Variants in LCK observed in about 807,000 individuals in gnomAD.
The protein encoded by LCK is LCK proto-oncogene, Src family tyrosine kinase.
In LCK, 14 loss-of-function variants were observed where a neutral mutation model predicts 64.6. The observed-to-expected ratio is 0.22, with a 90% confidence interval of 0.14 to 0.34. The LOEUF is 0.34. Among genes scored for constraint, LCK ranks in the 10% least tolerant of loss-of-function variants. LCK has a pLI of 1.00. For missense variants in LCK, 434 were observed against 668.1 expected, an observed-to-expected ratio of 0.65 and a Z score of 3.86; for synonymous variants, 277 against 263.6, an observed-to-expected ratio of 1.05 and a Z score of -0.49.
rs755732553 is a variant in LCK at position 32,276,935 on chromosome 1, G to A, written c.964+149G>A. On this transcript the variant is annotated intron_variant, in intron 9 of 12. Transcript: ENST00000336890. This position sits in a 1 kb window ranked among gnomAD's most constrained non-coding sequence, Gnocchi z 4.6. ...GCCCCCTGGAGACTCACCTCCAGCC[G>A]GGCGCGGTGGCTCAGGCCTGTAATC... 7.1e-5 allele frequency: 57 copies of A among 802,660 alleles called. No homozygotes were observed. The highest frequency in any genetic ancestry group is 9.4e-5 in the Non-Finnish European group (51 of 545,312). The allele number at this position is 802,660 out of a possible 1,614,324, so 49.7% of individuals were successfully genotyped here. A position where few individuals can be genotyped will look rare whatever the true frequency, so the allele number is the denominator to read the frequency against.
intron 9 of LCK, chr1:32,277,014 A>G (rs1640300240): frequency 2.8e-6 from 1 of 351,414 alleles, no homozygotes; most frequent in African/African-American, 2.1e-5. Flanking sequence ...GTTCGAGACC[A>G]GCCTGACCAA....
intron 1 of LCK, among the ~76,000 whole-genome samples, chr1:32,259,260 C>T (rs1451940808): frequency 7.1e-6 from 1 of 141,382 alleles, no homozygotes; most frequent in African/African-American, 2.7e-5. Context: ...CAAAAATTAC[C>T]CGGGCCCTCT....
At chr1:32,281,425 A>G (rs942416705) in intron 12 of LCK, among the ~76,000 whole-genome samples, 6 of 150,266 alleles carry the variant, frequency 4.0e-5, no homozygotes, top group African/African-American at 1.2e-4. Flanking sequence ...GTTCTATTGC[A>G]CTCCAGCCTG....
chr1:32,280,443 C>CTTTTTTTTTTTTTTTTTTTTTTTTT (rs770430504), intron 12 of LCK, among the ~76,000 whole-genome samples: 1 of 84,744 alleles, frequency 1.2e-5, no homozygotes, highest in African/African-American at 5.5e-5. Context: ...TTTTCTTTTT[C>CTTTTTTTTTTTTTTTTTTTTTTTTT]TTTTTTTTTT....
intron 1 of LCK, among the ~76,000 whole-genome samples, chr1:32,255,800 A>ATTTT (rs58539932): frequency 1.5e-5 from 2 of 133,400 alleles, no homozygotes; most frequent in Non-Finnish European, 3.3e-5. Context: ...CATTAAATTT[A>ATTTT]TTTTTTTTTT....
Position 32,276,430 on chromosome 1 carries a change from G to A in LCK, c.725G>A (p.Arg242Lys). The A allele has an allele frequency of 6.2e-7, 1 of 1,612,870 alleles. No individual in the cohort carries two copies. The highest frequency in any genetic ancestry group is 8.5e-7 in the Non-Finnish European group (1 of 1,179,910). ...PWWEDEWEVP[R>K]ETLKLVERLG... Reference sequence around the variant, plus strand: ...TGGGAGGACGAGTGGGAGGTTCCCAGGGAGACGCTGAAGCTGGTGGAGCGG... The same window carrying A: ...TGGGAGGACGAGTGGGAGGTTCCCAAGGAGACGCTGAAGCTGGTGGAGCGG... The change falls in exon 8 of 13, where the codon AGG (arginine) becomes AAG (lysine). Residue 242 changes from arginine to lysine, a missense_variant. By Grantham distance (26) the Arg-to-Lys change is conservative (BLOSUM62 2). This residue lies in a region of LCK where 201 missense variants were observed against 376.9 expected (regional missense o/e 0.53). Transcript: ENST00000336890. This position sits in a 1 kb window ranked among gnomAD's most constrained non-coding sequence, Gnocchi z 4.6.
chr1:32,268,130 G>A (rs1449821050), intron 1 of LCK, among the ~76,000 whole-genome samples: 2 of 150,136 alleles, frequency 1.3e-5, no homozygotes, highest in East Asian at 4.0e-4. Flanking sequence ...GGAGGCGGAG[G>A]TTGCAGTGAG....
At chr1:32,271,585 G>A (rs1159747188) in intron 1 of LCK, among the ~76,000 whole-genome samples, 1 of 152,226 alleles carries the variant, frequency 6.6e-6, no homozygotes, top group Admixed American at 6.5e-5. Context: ...GATCACTTGA[G>A]CCCAGGAGTT....
intron 1 of LCK, among the ~76,000 whole-genome samples, chr1:32,271,322 T>C (rs1640074605): frequency 6.6e-6 from 1 of 152,164 alleles, no homozygotes; most frequent in Admixed American, 6.6e-5. Context: ...AGCTTTGCTC[T>C]ACTCCAAATA....
rs552978173 is a variant in LCK at position 32,257,610 on chromosome 1, A to G, written c.-6+6239A>G. ...TGGATTGAATTTGGGTTGCCATGGC[A>G]TGGACATGGTGAACTGAGCTTCCAG... On this transcript the variant is annotated intron_variant, in intron 1 of 12. Coordinates refer to ENST00000336890, the MANE Select transcript of LCK (RefSeq NM_005356.5). 5.9e-5 allele frequency among the ~76,000 whole-genome samples: 9 copies of G among 152,202 alleles called. 1 individual carries two copies. In the South Asian group the frequency reaches 1.7e-3, roughly 28 times the overall value.
intron 12 of LCK, among the ~76,000 whole-genome samples, chr1:32,284,251 GAT>G (rs149802834): frequency 9.9e-4 from 137 of 138,280 alleles, no homozygotes; most frequent in Non-Finnish European, 1.2e-3. Context: ...TGCTTTCTGT[GAT>G]ATATATATAT....
In LCK at chr1:32,275,691, C is replaced by T. The variant is rs1014124218; in HGVS notation, c.481+19C>T. ...ACCGCGGGTGAGCGGGCGGCGGTCT[C>T]GACCGGGCGCGGGGGTGCCCCGGGG... On this transcript the variant is annotated intron_variant, in intron 6 of 12. Coordinates refer to ENST00000336890, the MANE Select transcript of LCK (RefSeq NM_005356.5). The surrounding 1 kb of genome is among the most constrained non-coding windows in gnomAD (Gnocchi z 6.9). 6 of 1,546,702 alleles carry T rather than the reference C, an allele frequency of 3.9e-6. No homozygotes were observed. Among genetic ancestry groups the T allele is most frequent in the African/African-American group, 2.7e-5 (2 of 73,296 alleles).
At chr1:32,258,210 G>A (rs774695269) in intron 1 of LCK, among the ~76,000 whole-genome samples, 7 of 150,606 alleles carry the variant, frequency 4.6e-5, no homozygotes, top group Non-Finnish European at 1.0e-4. Flanking sequence ...TTGAGCCCAG[G>A]TGGTTGAGGC....
intron 1 of LCK, among the ~76,000 whole-genome samples, chr1:32,258,751 C>T (rs1639690678): frequency 7.0e-6 from 1 of 143,130 alleles, no homozygotes; most frequent in Non-Finnish European, 1.5e-5. Context: ...TTGCAGTGAG[C>T]TGAGATCACG....
chr1:32,264,554 T>C (rs1639863302), intron 1 of LCK, among the ~76,000 whole-genome samples: 1 of 152,062 alleles, frequency 6.6e-6, no homozygotes, highest in Admixed American at 6.6e-5. Context: ...CAGTGTATTA[T>C]TGGGACAATC....
chr1:32,259,824 C>CAAAAT (rs1388723200), intron 1 of LCK, among the ~76,000 whole-genome samples: 36 of 151,312 alleles, frequency 2.4e-4, no homozygotes, highest in Admixed American at 1.2e-3. Context: ...GACCCTGTCT[C>CAAAAT]AAAATAAAAT....
Position 32,276,934 on chromosome 1 carries a change from C to G in LCK, c.964+148C>G. The G allele has an allele frequency of 1.2e-6, 1 of 808,016 alleles. No homozygotes were observed. Among genetic ancestry groups the G allele is most frequent in the South Asian group, 2.2e-5 (1 of 45,738 alleles). 50.1% of individuals were successfully genotyped at this position (808,016 alleles called of 1,614,324 possible). A position where few individuals can be genotyped will look rare whatever the true frequency, so the allele number is the denominator to read the frequency against. Reference sequence around the variant, plus strand: ...TGCCCCCTGGAGACTCACCTCCAGCCGGGCGCGGTGGCTCAGGCCTGTAAT... The same window carrying G: ...TGCCCCCTGGAGACTCACCTCCAGCGGGGCGCGGTGGCTCAGGCCTGTAAT... On this transcript the variant is annotated intron_variant, in intron 9 of 12. Transcript: ENST00000336890. The surrounding 1 kb of genome is among the most constrained non-coding windows in gnomAD (Gnocchi z 4.6).
In LCK at chr1:32,251,605, TGG is replaced by T. The variant is rs557225120; in HGVS notation, c.-6+236_-6+237del. On this transcript the variant is annotated intron_variant, in intron 1 of 12. Coordinates refer to ENST00000336890, the MANE Select transcript of LCK (RefSeq NM_005356.5). The surrounding 1 kb of genome is among the most constrained non-coding windows in gnomAD (Gnocchi z 4.0). ...CTGTCCACCAGTGGCCCCACCTGAC[TGG>T]GAGCGTGTTTCCTGGACACCAGGCA... Among the ~76,000 whole-genome samples, 118 of 152,262 alleles carry T rather than the reference TGG, an allele frequency of 7.7e-4. No homozygotes were observed. Among genetic ancestry groups the T allele is most frequent in the African/African-American group, 2.7e-3 (114 of 41,550 alleles).
chr1:32,260,797 T>G (rs1639748305), intron 1 of LCK, among the ~76,000 whole-genome samples: 1 of 151,656 alleles, frequency 6.6e-6, no homozygotes, highest in East Asian at 2.0e-4. Flanking sequence ...AATTTTTGTA[T>G]TTTTTGTAGA....
Sources: gnomAD v4.1 joint callset for allele counts (sites outside exome capture counted in the v4.1 genomes callset) on GRCh38, gnomAD v4.1.1 for gene constraint, gnomAD v4.1.1 regional missense constraint, Gnocchi (gnomAD v3.1) non-coding constraint, MANE v1.5 for transcripts, NCBI Gene and HGNC (gene_info 2026-07-23, HGNC 2026-07-21) for gene names.